GPR155: variants seen among roughly 807,000 people sequenced by gnomAD.
GPR155 encodes G protein-coupled receptor 155.
In GPR155, 65 loss-of-function variants were observed where a neutral mutation model predicts 93.1. That is an observed-to-expected ratio of 0.70 (90% CI 0.57 to 0.86). GPR155 has a LOEUF of 0.86. Ranked by LOEUF, GPR155 falls within the 40% of genes least tolerant of loss-of-function variation. The pLI is 0.00. For missense variants in GPR155, 838 were observed against 1,034.8 expected, an observed-to-expected ratio of 0.81 and a Z score of 2.61; for synonymous variants, 319 against 360.1, an observed-to-expected ratio of 0.89 and a Z score of 1.29.
intron 3 of GPR155, among the ~76,000 whole-genome samples, chr2:174,471,823 C>T (rs997982085): frequency 6.6e-6 from 1 of 152,124 alleles, no homozygotes; most frequent in African/African-American, 2.4e-5. Flanking sequence ...GTTGATAATA[C>T]CATTATTGTT....
chr2:174,478,539 T>C (rs1210338891), intron 2 of GPR155, among the ~76,000 whole-genome samples: 1 of 152,178 alleles, frequency 6.6e-6, no homozygotes, highest in Non-Finnish European at 1.5e-5. Context: ...AGTTGCAACA[T>C]GCACTATTCT....
In GPR155 at chr2:174,475,918, T is replaced by C. The variant is rs566727573; in HGVS notation, c.461-2554A>G. Among the ~76,000 whole-genome samples, 4 of 152,212 alleles carry C rather than the reference T, an allele frequency of 2.6e-5. No individual in the cohort carries two copies. In the South Asian group the frequency reaches 8.3e-4, roughly 32 times the overall value. ...ATGTTTTCCTTTGACAACACAGCTA[T>C]ACAGTTCTGTGATCTACTCAAAGCC... On this transcript the variant is annotated intron_variant, in intron 2 of 15. Transcript: ENST00000392552.
chr2:174,481,616 A>G lies in GPR155; in HGVS notation c.341T>C (p.Phe114Ser). The change falls in exon 2 of 16, where the codon TTT becomes TCT. Residue 114 changes from phenylalanine (F) to serine (S), a missense_variant. Physicochemically the swap from Phe to Ser is radical, Grantham distance 155. Around this residue, in one of 3 missense-constraint regions of GPR155, gnomAD observed 663 missense variants for 790.1 expected, o/e 0.84. Transcript: ENST00000392552. ...YSILIAKASV[F>S]FIVCVLTLLV... ...TAAGGTTAATACACATACAATGAAA[A>G]ATACAGAAGCTTTGGCAATTAAGAT... 6.2e-7 allele frequency: 1 copy of G among 1,613,746 alleles called. No individual in the cohort carries two copies. The highest frequency in any genetic ancestry group is 8.5e-7 in the Non-Finnish European group (1 of 1,179,662).
chr2:174,446,631 G>C lies in GPR155; in HGVS notation c.1993C>G (p.Leu665Val). The C allele has an allele frequency of 1.9e-6, 3 of 1,613,858 alleles. No homozygotes were observed. The highest frequency in any genetic ancestry group is 2.5e-6 in the Non-Finnish European group (3 of 1,179,924). The change falls in exon 12 of 16, where the codon CTC becomes GTC. Residue 665 changes from leucine to valine, a missense_variant. By Grantham distance (32) the Leu-to-Val change is conservative (BLOSUM62 1). Coordinates refer to ENST00000392552, the MANE Select transcript of GPR155 (RefSeq NM_152529.7). ...LTRHVLLCLL[L>V]IIGLFANLSS... ...ATTACAGCGAACAGGCCAATGATGA[G>C]AAGTAAACACAGCAACACATGTCGG...
intron 10 of GPR155, among the ~76,000 whole-genome samples, chr2:174,456,144 G>T (rs529146451): frequency 6.6e-6 from 1 of 151,936 alleles, no homozygotes; most frequent in Non-Finnish European, 1.5e-5. Flanking sequence ...GCCTGGCTGA[G>T]ATATAAATAA....
At chr2:174,469,177 A>G (rs752326225) in intron 4 of GPR155, 110 bp from the exon 5 acceptor site, 13 of 855,496 alleles carry the variant, frequency 1.5e-5, no homozygotes, top group South Asian at 1.2e-4. Flanking sequence ...GAGACACAGT[A>G]AAGACATTAT....
chr2:174,461,763 C>T, intron 7 of GPR155, 91 bp from the exon 8 acceptor site: 1 of 777,810 alleles, frequency 1.3e-6, no homozygotes, highest in Non-Finnish European at 2.2e-6. Flanking sequence ...TTAAACCAAG[C>T]TTATTTCATA....
At chr2:174,460,114 G>A in intron 9 of GPR155, 26 bp from the exon 10 acceptor site, 1 of 1,544,304 alleles carries the variant, frequency 6.5e-7, no homozygotes, top group Non-Finnish European at 8.9e-7. Context: ...AAAGATATCA[G>A]GCCACTTTTC....
At chr2:174,457,897 T>C (rs1470002306) in intron 10 of GPR155, among the ~76,000 whole-genome samples, 1 of 152,096 alleles carries the variant, frequency 6.6e-6, no homozygotes, top group Non-Finnish European at 1.5e-5. Flanking sequence ...ACTACAGGTG[T>C]GTACCACCAC....
At chr2:174,483,163 C>A (rs1688377542) in intron 1 of GPR155, 2 of 151,884 alleles carry the variant, frequency 1.3e-5, no homozygotes, top group African/African-American at 4.8e-5. Flanking sequence ...CAGTACCTGG[C>A]ATACACGAGA....
At chr2:174,447,252 G>A (rs1282620755) in intron 11 of GPR155, among the ~76,000 whole-genome samples, 1 of 150,754 alleles carries the variant, frequency 6.6e-6, no homozygotes, top group East Asian at 1.9e-4. Flanking sequence ...CAGGAGAATC[G>A]CTTGAACCCA....
intron 10 of GPR155, among the ~76,000 whole-genome samples, chr2:174,458,649 AG>A (rs1687592442): frequency 6.6e-6 from 1 of 152,192 alleles, no homozygotes; most frequent in Non-Finnish European, 1.5e-5. Flanking sequence ...TATAGCATGA[AG>A]GTAGCCATAG....
chr2:174,464,729 T>G (rs927289937), intron 7 of GPR155, among the ~76,000 whole-genome samples: 1 of 151,922 alleles, frequency 6.6e-6, no homozygotes, highest in African/African-American at 2.4e-5. Context: ...AAATATAAAG[T>G]CTTTAGGCTC....
intron 2 of GPR155, among the ~76,000 whole-genome samples, chr2:174,480,091 T>C (rs1688276409): frequency 6.6e-6 from 1 of 152,196 alleles, no homozygotes. Flanking sequence ...GGGGAAAGGA[T>C]AAAACTGCTA....
rs1559109134 is a variant in GPR155, at chr2:174,460,153, C to CTTTT, written c.1561-66_1561-65insAAAA. On this transcript the variant is annotated intron_variant, in intron 9 of 15. Transcript: ENST00000392552. The stretch of plus-strand genomic sequence containing the variant: ...ACTTCATCTTGATAATCTTAGGGCA[C>CTTTT]ATTTTTTTTTTTTTTTTTTTTTTTT... 7.5e-5 allele frequency: 42 copies of CTTTT among 557,944 alleles called. No homozygotes were observed. The African/African-American group carries it at 9.2e-4, about 12-fold the overall frequency. The allele number at this position is 557,944 out of a possible 1,614,324, so 34.6% of individuals were successfully genotyped here.
rs1686768386 is a variant in GPR155, at chr2:174,436,067, G to T, written c.*49C>A. On this transcript the variant is annotated 3_prime_UTR_variant, in exon 16 of 16. Transcript: ENST00000392552. The stretch of plus-strand genomic sequence containing the variant: ...CAAGGTCACCCAGCTAAAAACTAAT[G>T]AATACGCGGCTAGAATATGATTCCA... 2 of 1,499,114 alleles carry T rather than the reference G, an allele frequency of 1.3e-6. No homozygotes were observed. Among genetic ancestry groups the T allele is most frequent in the Non-Finnish European group, 1.8e-6 (2 of 1,090,488 alleles). The allele number at this position is 1,499,114 out of a possible 1,614,324, so 92.9% of individuals were successfully genotyped here.
At position 174,481,800 on chromosome 2, in the gene GPR155, C is replaced by G. The variant is rs1288114430; in HGVS notation, c.157G>C (p.Val53Leu). ...FPALLECFGI[V>L]LCGYIAGRAN... ...CTTCCTGCTATGTAGCCACAAAGGACAATGCCAAAGCATTCCAGTAAGGCT... is the reference window on the plus strand; with the variant it reads ...CTTCCTGCTATGTAGCCACAAAGGAGAATGCCAAAGCATTCCAGTAAGGCT... Residue 53 changes from valine to leucine, a missense_variant, in exon 2 of 16, where the codon GTC becomes CTC. Val to Leu is a conservative substitution (Grantham distance 32, BLOSUM62 1). This residue lies in a region of GPR155 where 663 missense variants were observed against 790.1 expected (regional missense o/e 0.84). Coordinates refer to ENST00000392552, the MANE Select transcript of GPR155 (RefSeq NM_152529.7). 2 of 1,614,082 alleles carry G rather than the reference C, an allele frequency of 1.2e-6. No homozygotes were observed. The highest frequency in any genetic ancestry group is 2.7e-5 in the African/African-American group (2 of 74,940).
chr2:174,463,712 A>G (rs1687764963), intron 7 of GPR155, among the ~76,000 whole-genome samples: 2 of 152,248 alleles, frequency 1.3e-5, no homozygotes, highest in African/African-American at 2.4e-5. Flanking sequence ...TAGCAAAACA[A>G]GATCCTTTGT....
intron 2 of GPR155, among the ~76,000 whole-genome samples, chr2:174,475,494 C>T (rs1042846988): frequency 7.0e-6 from 1 of 142,208 alleles, no homozygotes; most frequent in Non-Finnish European, 1.6e-5. Context: ...AAAGCTAAAA[C>T]CTATTTTTTT....
Sources: gnomAD v4.1 joint callset for allele counts (sites outside exome capture counted in the v4.1 genomes callset) on GRCh38, gnomAD v4.1.1 for gene constraint, gnomAD v4.1.1 regional missense constraint, MANE v1.5 for transcripts, NCBI Gene and HGNC (gene_info 2026-07-23, HGNC 2026-07-21) for gene names.